UGT2A3: variants seen among roughly 807,000 people sequenced by gnomAD.
UGT2A3 encodes UDP glucuronosyltransferase family 2 member A3.
A neutral mutation model predicts 44.1 loss-of-function variants in UGT2A3; 55 were observed. The observed-to-expected ratio is 1.25, with a 90% confidence interval of 1.00 to 1.56. The LOEUF is 1.56. Among genes scored for constraint, UGT2A3 ranks in the 40% most tolerant of loss-of-function variants. The pLI, the probability that UGT2A3 is intolerant of heterozygous loss-of-function variation, is 0.00. For synonymous variants in UGT2A3, 243 were observed against 215.1 expected (o/e 1.13, Z -1.13); for missense variants, 733 against 621.6 (o/e 1.18, Z -1.91).
intron 2 of UGT2A3, 58 bp downstream of exon 2, chr4:68,945,248 C>CA: frequency 6.3e-7 from 1 of 1,589,434 alleles, no homozygotes; most frequent in Non-Finnish European, 8.6e-7. Context: ...TGTAATCTTT[C>CA]AAGGGAAAAC....
At chr4:68,939,977 G>T (rs944473843) in intron 2 of UGT2A3, among the ~76,000 whole-genome samples, 1 of 152,140 alleles carries the variant, frequency 6.6e-6, no homozygotes, top group Non-Finnish European at 1.5e-5. Flanking sequence ...TCAGAGAAAT[G>T]CAAACAAAAA....
At chr4:68,942,341 A>C (rs188138596) in intron 2 of UGT2A3, among the ~76,000 whole-genome samples, 1,789 of 135,780 alleles carry the variant, frequency 0.013, 27 homozygotes, top group East Asian at 0.083. Context: ...CTCTCTCTCT[A>C]TATATATATA....
chr4:68,932,859 A>C (rs1224952025), intron 2 of UGT2A3, 100 bp from the exon 3 acceptor site: 2 of 1,201,848 alleles, frequency 1.7e-6, no homozygotes. Context: ...GAAATTATTA[A>C]TGTGTAGTTA....
intron 1 of UGT2A3, 46 bp from the exon 2 acceptor site, chr4:68,945,500 A>C: frequency 6.7e-7 from 1 of 1,489,964 alleles, no homozygotes; most frequent in Non-Finnish European, 9.0e-7. Context: ...AATTCAAATA[A>C]AAAATTGTAT....
At position 68,929,818 on chromosome 4, in the gene UGT2A3, C is replaced by T. The variant is rs1292400697; in HGVS notation, c.1579G>A (p.Glu527Lys). The T allele has an allele frequency of 6.3e-7, 1 of 1,587,406 alleles. No homozygotes were observed. The highest frequency in any genetic ancestry group is 2.2e-5 in the East Asian group (1 of 44,734). Residue 527 changes from glutamate to lysine, a missense_variant, in exon 6 of 6, where the codon GAA (glutamate) becomes AAA (lysine). Transcript: ENST00000251566. ...FNKTRKIEKR[E>K] ...TTTCTTGAATTTGGAAAGATCTATT[C>T]CCTCTTTTCTATCTTTCTAGTTTTA...
At position 68,936,580 on chromosome 4, in the gene UGT2A3, A is replaced by G. The variant is rs1368806555; in HGVS notation, c.865-3821T>C. On this transcript the variant is annotated intron_variant, in intron 2 of 5. Coordinates refer to ENST00000251566, the MANE Select transcript of UGT2A3 (RefSeq NM_024743.4). Reference sequence around the variant, plus strand: ...AAGGAAGCACTTAACATGGAAAAGAACAACTGGTACCAGCCACTGCAAAAA... The same window carrying G: ...AAGGAAGCACTTAACATGGAAAAGAGCAACTGGTACCAGCCACTGCAAAAA... Among the ~76,000 whole-genome samples the G allele has an allele frequency of 4.6e-5, 7 of 152,248 alleles. No individual in the cohort carries two copies. In the East Asian group the frequency reaches 1.4e-3, roughly 30 times the overall value.
At chr4:68,946,272 A>G (rs1259880250) in intron 1 of UGT2A3, among the ~76,000 whole-genome samples, 7 of 151,754 alleles carry the variant, frequency 4.6e-5, no homozygotes, top group Non-Finnish European at 1.0e-4. Flanking sequence ...TAAACTCCAT[A>G]AGAGAATTTG....
At position 68,951,583 on chromosome 4, in the gene UGT2A3, T is replaced by C; in HGVS notation, c.178A>G (p.Lys60Glu). Reference sequence around the variant, plus strand: ...TTCCTGTAGTCAATTAACGAAGGCTTTGAGTGAGTCAATACTGTTACCTCA... The same window carrying C: ...TTCCTGTAGTCAATTAACGAAGGCTCTGAGTGAGTCAATACTGTTACCTCA... ...GHEVTVLTHS[K>E]PSLIDYRKPS... is the part of the protein sequence containing the mutation. The change falls in exon 1 of 6, where the codon AAG becomes GAG. Residue 60 changes from lysine to glutamate, a missense_variant. Physicochemically the swap from Lys to Glu is moderately conservative, Grantham distance 56 (BLOSUM62 1). Coordinates refer to ENST00000251566, the MANE Select transcript of UGT2A3 (RefSeq NM_024743.4). The C allele has an allele frequency of 6.2e-7, 1 of 1,613,024 alleles. No homozygotes were observed. Among genetic ancestry groups the C allele is most frequent in the African/African-American group, 1.3e-5 (1 of 74,966 alleles).
intron 2 of UGT2A3, among the ~76,000 whole-genome samples, chr4:68,936,861 A>G (rs1345771089): frequency 7.1e-6 from 1 of 140,074 alleles, no homozygotes; most frequent in Non-Finnish European, 1.5e-5. Context: ...AAAGTGATAA[A>G]GGAAGATCTA....
intron 2 of UGT2A3, among the ~76,000 whole-genome samples, chr4:68,941,195 C>A (rs1297027736): frequency 6.6e-6 from 1 of 151,722 alleles, no homozygotes; most frequent in African/African-American, 2.4e-5. Flanking sequence ...CAAGTGGAAG[C>A]ATCTTGAGAA....
At chr4:68,932,231 T>C (rs1717763859) in intron 3 of UGT2A3, among the ~76,000 whole-genome samples, 1 of 151,894 alleles carries the variant, frequency 6.6e-6, no homozygotes, top group African/African-American at 2.4e-5. Flanking sequence ...TGAATACAGT[T>C]TTTATACACA....
Position 68,929,754 on chromosome 4 carries a change from T to G in UGT2A3, c.*59A>C. 1 of 1,427,238 alleles carries G rather than the reference T, an allele frequency of 7.0e-7. No homozygotes were observed. The highest frequency in any genetic ancestry group is 9.5e-7 in the Non-Finnish European group (1 of 1,055,998). 88.4% of individuals were successfully genotyped at this position (1,427,238 alleles called of 1,614,324 possible). A position where few individuals can be genotyped will look rare whatever the true frequency, so the allele number is the denominator to read the frequency against. On this transcript the variant is annotated 3_prime_UTR_variant, in exon 6 of 6. Coordinates refer to ENST00000251566, the MANE Select transcript of UGT2A3 (RefSeq NM_024743.4). ...GAAAATAGCAAGGTTTTCACCAAAT[T>G]CTATGTGGCTGGAATTAACAGGATT...
At chr4:68,948,320 C>G (rs1406508937) in intron 1 of UGT2A3, among the ~76,000 whole-genome samples, 1 of 151,762 alleles carries the variant, frequency 6.6e-6, no homozygotes, top group Non-Finnish European at 1.5e-5. Context: ...ATCTTCCTCT[C>G]CTCTCTGAGG....
At chr4:68,940,781 A>AAT (rs201545290) in intron 2 of UGT2A3, among the ~76,000 whole-genome samples, 3 of 145,926 alleles carry the variant, frequency 2.1e-5, no homozygotes, top group Admixed American at 7.0e-5. Context: ...ACATATATAT[A>AAT]ATATATATAT....
chr4:68,942,823 TTC>T (rs1448693570), intron 2 of UGT2A3, among the ~76,000 whole-genome samples: 2 of 151,534 alleles, frequency 1.3e-5, no homozygotes, highest in Admixed American at 1.3e-4. Context: ...GAAGAATATG[TTC>T]TGTTATTATA....
intron 2 of UGT2A3, among the ~76,000 whole-genome samples, chr4:68,942,674 C>T (rs1201176643): frequency 6.6e-6 from 1 of 150,998 alleles, no homozygotes; most frequent in African/African-American, 2.4e-5. Flanking sequence ...GCAGAGATAG[C>T]ATGGTATCCC....
intron 4 of UGT2A3, among the ~76,000 whole-genome samples, 190 bp downstream of exon 4, chr4:68,930,965 G>T (rs775497668): frequency 2.0e-5 from 3 of 152,048 alleles, no homozygotes; most frequent in Non-Finnish European, 4.4e-5. Context: ...TGAATTTCCT[G>T]TCACTCTCAC....
intron 1 of UGT2A3, among the ~76,000 whole-genome samples, chr4:68,950,128 A>G (rs1718526989): frequency 6.6e-6 from 1 of 151,876 alleles, no homozygotes; most frequent in Admixed American, 6.6e-5. Flanking sequence ...AGGCCAAGAG[A>G]TTTGTATTGT....
In UGT2A3 at chr4:68,929,584, G is replaced by A; in HGVS notation, c.*229C>T. 1 of 398,722 alleles carries A rather than the reference G, an allele frequency of 2.5e-6. No individual in the cohort carries two copies. Among genetic ancestry groups the A allele is most frequent in the South Asian group, 6.5e-5 (1 of 15,318 alleles). The allele number at this position is 398,722 out of a possible 1,614,324, so 24.7% of individuals were successfully genotyped here. A position where few individuals can be genotyped will look rare whatever the true frequency, so the allele number is the denominator to read the frequency against. On this transcript the variant is annotated 3_prime_UTR_variant, in exon 6 of 6. Coordinates refer to ENST00000251566, the MANE Select transcript of UGT2A3 (RefSeq NM_024743.4). ...ATATCAGAAATAGGAAAATTTAGAT[G>A]TATTCATGTCCTTGTGTCACAAAGT...
Sources: allele counts gnomAD v4.1 joint callset (sites outside exome capture counted in the v4.1 genomes callset), GRCh38; gene constraint gnomAD v4.1.1; transcripts MANE v1.5; gene names NCBI Gene and HGNC (gene_info 2026-07-23, HGNC 2026-07-21).